Variants in ADGRG4 observed in about 807,000 individuals in gnomAD.
The protein encoded by ADGRG4 is adhesion G protein-coupled receptor G4.
Under a neutral mutation model 126.2 loss-of-function variants are expected in ADGRG4, and 122 were observed. That is an observed-to-expected ratio of 0.97 (90% confidence interval 0.83 to 1.12). ADGRG4 has a LOEUF of 1.12. Ranked by LOEUF, ADGRG4 falls within the 50% of genes most tolerant of loss-of-function variation. The pLI is 0.00. For synonymous variants in ADGRG4, 943 were observed against 838.7 expected, an observed-to-expected ratio of 1.12 and a Z score of -2.15; for missense variants, 2,481 against 2,251.8, an observed-to-expected ratio of 1.10 and a Z score of -2.06.
At position 136,412,338 on chromosome X, in the gene ADGRG4, T is replaced by C. The variant is rs756098289; in HGVS notation, c.9009T>C (p.Cys3003=). The change falls in exon 24 of 26, where the codon TGT becomes TGC. Residue 3003 remains cysteine (C), a synonymous_variant. Transcript: ENST00000394143. The part of the protein sequence containing the change: ...VREQWQIHLC[C]GWLRLDNSSD... ...AGCAGTGGCAGATACACCTCTGCTGTGGGTGGTTGCGATTGGATAACTCTT... is the reference window on the plus strand; with the variant it reads ...AGCAGTGGCAGATACACCTCTGCTGCGGGTGGTTGCGATTGGATAACTCTT... The C allele has an allele frequency of 8.4e-7, 1 of 1,187,603 alleles. No individual in the cohort carries two copies. Among genetic ancestry groups the C allele is most frequent in the Non-Finnish European group, 1.1e-6 (1 of 873,338 alleles).
chrX:136,392,483 G>A lies in ADGRG4; in HGVS notation c.8034+129G>A, dbSNP rs1211421955. ...AATGAGGAATGTCCTATTCCAGGTA[G>A]CAAATGTGTGTTATAATTGGAACCT... is the stretch of plus-strand genomic sequence containing the variant. On this transcript the variant is annotated intron_variant, in intron 17 of 25. Transcript: ENST00000394143. The A allele has an allele frequency of 7.3e-6, 4 of 549,180 alleles. No individual in the cohort carries two copies. The East Asian group carries it at 1.5e-4, about 21-fold the overall frequency. 45.3% of individuals were successfully genotyped at this position (549,180 alleles called of 1,213,427 possible). A position where few individuals can be genotyped will look rare whatever the true frequency, so the allele number is the denominator to read the frequency against.
intron 5 of ADGRG4, among the ~76,000 whole-genome samples, chrX:136,337,301 G>C (rs2074953690): frequency 1.8e-5 from 2 of 111,629 alleles, no homozygotes; most frequent in African/African-American, 6.5e-5. Context: ...AATATCAGAT[G>C]ATGTTGCAAT....
chrX:136,343,365 T>C (rs900628143), intron 5 of ADGRG4, among the ~76,000 whole-genome samples: 1 of 111,384 alleles, frequency 9.0e-6, no homozygotes, highest in Non-Finnish European at 1.9e-5. Context: ...CGATATCAAG[T>C]AAACAATTGG....
At chrX:136,323,480 G>A in intron 5 of ADGRG4, 88 bp downstream of exon 5, 1 of 827,374 alleles carries the variant, frequency 1.2e-6, no homozygotes, top group South Asian at 2.6e-5. Flanking sequence ...TGCTAGTTTT[G>A]TCATCACTTT....
chrX:136,355,222 T>TAC (rs10553631), intron 8 of ADGRG4, among the ~76,000 whole-genome samples: 2,582 of 100,163 alleles, frequency 0.026, 43 homozygotes, highest in African/African-American at 0.049. Flanking sequence ...AACATATGTG[T>TAC]ACACACACAC....
Position 136,395,388 on chromosome X carries a change from A to G in ADGRG4, c.8081-2A>G. On this transcript the variant is annotated splice_acceptor_variant, in intron 18 of 25. Coordinates refer to ENST00000394143, the MANE Select transcript of ADGRG4 (RefSeq NM_153834.4). LOFTEE classifies it high-confidence loss of function. ...TTTGAAATTTCCTTCTGTCTCCTAC[A>G]GATGGGCTGGGTGGATGGAATTCGT... 8.5e-7 allele frequency: 1 copy of G among 1,173,308 alleles called. No homozygotes were observed. Among genetic ancestry groups the G allele is most frequent in the Non-Finnish European group, 1.2e-6 (1 of 863,259 alleles).
In ADGRG4 at chrX:136,359,572, T is replaced by G. The variant is rs546342480; in HGVS notation, c.7144+117T>G. The G allele has an allele frequency of 4.0e-5, 21 of 529,828 alleles. No homozygotes were observed. The South Asian group carries it at 4.0e-4, about 10-fold the overall frequency. The allele number at this position is 529,828 out of a possible 1,213,427, so 43.7% of individuals were successfully genotyped here. A position where few individuals can be genotyped will look rare whatever the true frequency, so the allele number is the denominator to read the frequency against. ...AGAAAGGAGAGAAGTCATCTTTCTG[T>G]TTTTTTTTTCATATTCTTGGTACCC... On this transcript the variant is annotated intron_variant, in intron 11 of 25. Coordinates refer to ENST00000394143, the MANE Select transcript of ADGRG4 (RefSeq NM_153834.4).
rs745835572 is a variant in ADGRG4, at chrX:136,345,023, A to C, written c.1317A>C (p.Glu439Asp). ...CCACAGCTGGCCAGGAGTTCATTGAATCTACAGCTGCCGGAACTGTACCTT... is the reference window on the plus strand; with the variant it reads ...CCACAGCTGGCCAGGAGTTCATTGACTCTACAGCTGCCGGAACTGTACCTT... ...PISTAGQEFI[E>D]STAAGTVPWF... The change falls in exon 6 of 26, where the codon GAA (glutamate) becomes GAC (aspartate). Residue 439 changes from glutamate to aspartate, a missense_variant. Transcript: ENST00000394143. The C allele has an allele frequency of 5.8e-6, 7 of 1,211,558 alleles. No homozygotes were observed. The South Asian group carries it at 1.1e-4, about 18-fold the overall frequency.
rs1320875450 is a variant in ADGRG4, at chrX:136,347,032, C to T, written c.3326C>T (p.Thr1109Ile). ...ATGGCAGTTCCTTCTCTGACAGAAA[C>T]ACCATTTCATTCACTGAGACTCTCC... ...TSMAVPSLTE[T>I]PFHSLRLSTP... is the part of the protein sequence containing the mutation. Residue 1109 changes from threonine to isoleucine, a missense_variant, in exon 6 of 26, where the codon ACA (threonine) becomes ATA (isoleucine). Transcript: ENST00000394143. The T allele has an allele frequency of 1.7e-6, 2 of 1,211,045 alleles. No individual in the cohort carries two copies. The highest frequency in any genetic ancestry group is 4.4e-5 in the Admixed American group (2 of 45,965).
rs746098775 is a variant in ADGRG4, at chrX:136,321,769, C to T, written c.71-1009C>T. Among the ~76,000 whole-genome samples, 9 of 111,881 alleles carry T rather than the reference C, an allele frequency of 8.0e-5. No homozygotes were observed. The South Asian group carries it at 2.3e-3, about 28-fold the overall frequency. On this transcript the variant is annotated intron_variant, in intron 4 of 25. Coordinates refer to ENST00000394143, the MANE Select transcript of ADGRG4 (RefSeq NM_153834.4). ...CAATGTAAAGTTTCAAAGATACTGC[C>T]GAACTACTTACCAAAAGACCGCACC...
intron 13 of ADGRG4, among the ~76,000 whole-genome samples, chrX:136,371,005 T>G (rs1192569333): frequency 9.0e-6 from 1 of 111,603 alleles, no homozygotes; most frequent in East Asian, 2.8e-4. Flanking sequence ...GGGATCTACT[T>G]AACACAATCC....
intron 5 of ADGRG4, among the ~76,000 whole-genome samples, chrX:136,337,115 C>T (rs1286123657): frequency 9.0e-6 from 1 of 110,995 alleles, no homozygotes; most frequent in African/African-American, 3.3e-5. Flanking sequence ...TAGGTGTGCA[C>T]CACCACGCCC....
At chrX:136,359,223 G>T in intron 10 of ADGRG4, 69 bp from the exon 11 acceptor site, 1 of 903,715 alleles carries the variant, frequency 1.1e-6, no homozygotes, top group Non-Finnish European at 1.5e-6. Flanking sequence ...CAGAATTTCT[G>T]CATTGCAGGC....
In ADGRG4 at chrX:136,350,073, C is replaced by A. The variant is rs749085240; in HGVS notation, c.6367C>A (p.Pro2123Thr). 3.1e-5 allele frequency: 37 copies of A among 1,208,503 alleles called. No homozygotes were observed. Among genetic ancestry groups the A allele is most frequent in the Non-Finnish European group, 3.9e-5 (35 of 894,237 alleles). Reference protein sequence around the residue: ...ITANPRTVSHPSSFSRKTMSP... With the variant: ...ITANPRTVSHTSSFSRKTMSP... ...TGCCAACCCCAGGACTGTGTCTCAT[C>A]CTTCATCCTTCAGCAGAAAGACTAT... The change falls in exon 6 of 26, where the codon CCT becomes ACT. Residue 2123 changes from proline to threonine, a missense_variant. Transcript: ENST00000394143.
intron 5 of ADGRG4, among the ~76,000 whole-genome samples, chrX:136,339,892 G>A (rs1321562039): frequency 1.8e-5 from 2 of 111,867 alleles, no homozygotes; most frequent in Non-Finnish European, 3.8e-5. Flanking sequence ...TAGACAGATA[G>A]GGTGCAACAA....
Position 136,405,704 on chromosome X carries a change from A to T in ADGRG4, c.8667A>T (p.Lys2889Asn). The part of the protein sequence containing the change: ...LSPTTPFCWI[K>N]DDSIFYISVV... ...TTGTTTCTTACAGTTGTTGGATTAA[A>T]GATGATTCTATCTTTTACATCTCAG... The change falls in exon 23 of 26, where the codon AAA (lysine) becomes AAT (asparagine). Residue 2889 changes from lysine to asparagine, a missense_variant. Transcript: ENST00000394143. 1 of 1,167,805 alleles carries T rather than the reference A, an allele frequency of 8.6e-7. No individual in the cohort carries two copies. Among genetic ancestry groups the T allele is most frequent in the Non-Finnish European group, 1.2e-6 (1 of 869,463 alleles).
In ADGRG4 at chrX:136,359,971, A is replaced by G. The variant is rs139086601; in HGVS notation, c.7144+516A>G. Among the ~76,000 whole-genome samples the G allele has an allele frequency of 6.5e-3, 722 of 111,328 alleles. 4 individuals are homozygous for G. Among genetic ancestry groups the G allele is most frequent in the African/African-American group, 0.021 (650 of 30,585 alleles). ...AGTGCAGCTTTGTTCCTTTTCCCCA[A>G]TAGACTGCTGTAGAAATCATTGAGC... On this transcript the variant is annotated intron_variant, in intron 11 of 25. Transcript: ENST00000394143.
chrX:136,399,875 A>C lies in ADGRG4; in HGVS notation c.8334A>C (p.Lys2778Asn). 1.7e-6 allele frequency: 2 copies of C among 1,206,030 alleles called. No homozygotes were observed. Among genetic ancestry groups the C allele is most frequent in the Non-Finnish European group, 2.2e-6 (2 of 891,716 alleles). ...FHKLRKDYPAKILINLCTALL... is the reference protein window; with the variant it reads ...FHKLRKDYPANILINLCTALL... ...AACTTCGAAAAGATTATCCTGCCAA[A>C]ATTCTGATCAACCTGTGCACAGCAC... Residue 2778 changes from lysine to asparagine, a missense_variant, in exon 21 of 26, where the codon AAA becomes AAC. Lys to Asn is a moderately conservative substitution (Grantham distance 94, BLOSUM62 0). Coordinates refer to ENST00000394143, the MANE Select transcript of ADGRG4 (RefSeq NM_153834.4).
chrX:136,342,264 T>C (rs763249947), intron 5 of ADGRG4, among the ~76,000 whole-genome samples: 76 of 111,963 alleles, frequency 6.8e-4, no homozygotes, highest in Non-Finnish European at 1.1e-3. Context: ...CCAGTAGATA[T>C]AGGGATAGGA....
Sources: allele counts gnomAD v4.1 joint callset (sites outside exome capture counted in the v4.1 genomes callset), GRCh38; gene constraint gnomAD v4.1.1; transcripts MANE v1.5; gene names NCBI Gene and HGNC (gene_info 2026-07-23, HGNC 2026-07-21).